MED4: variants seen among roughly 807,000 people sequenced by gnomAD.
The protein encoded by MED4 is mediator of RNA polymerase II transcription subunit 4.
Under a neutral mutation model 35.0 loss-of-function variants are expected in MED4, and 21 were observed. The ratio of observed to expected loss-of-function variants is 0.60; its 90% confidence interval spans 0.43 to 0.86. The LOEUF is 0.86. MED4 is among the 40% of genes least tolerant of loss of function. The probability of loss-of-function intolerance (pLI) is 0.00; values close to 1 mark genes in which losing one functional copy is unlikely to be tolerated. For missense variants in MED4, 300 were observed against 319.4 expected (o/e 0.94, Z 0.46); for synonymous variants, 138 against 114.0 (o/e 1.21, Z -1.34).
rs951074111 is a variant in MED4 at position 48,080,415 on chromosome 13, A to G, written c.509-440T>C. On this transcript the variant is annotated intron_variant, in intron 5 of 6. Coordinates refer to ENST00000258648, the MANE Select transcript of MED4 (RefSeq NM_014166.4). Reference sequence around the variant, plus strand: ...CTGTCTCAAAAAAAAAAAAAAAAAAAAAAGAAAGAAAGAAATATAAAAGTC... The same window carrying G: ...CTGTCTCAAAAAAAAAAAAAAAAAAGAAAGAAAGAAAGAAATATAAAAGTC... Among the ~76,000 whole-genome samples, 329 of 150,424 alleles carry G rather than the reference A, an allele frequency of 2.2e-3. 3 individuals are homozygous for G. The highest frequency in any genetic ancestry group is 7.6e-3 in the African/African-American group (310 of 40,992).
intron 1 of MED4, among the ~76,000 whole-genome samples, chr13:48,093,035 C>T (rs936909296): frequency 7.9e-5 from 12 of 152,118 alleles, no homozygotes; most frequent in Non-Finnish European, 5.9e-5. Flanking sequence ...CAAAGGAAGC[C>T]CCCACACTCA....
intron 6 of MED4, among the ~76,000 whole-genome samples, chr13:48,078,021 A>T (rs1052943808): frequency 1.3e-5 from 2 of 152,192 alleles, no homozygotes; most frequent in Non-Finnish European, 2.9e-5. Flanking sequence ...TGATTTCTTG[A>T]TAGAGGAACT....
rs1419929630 is a variant in MED4, at chr13:48,077,125, T to C, written c.*14A>G. Reference sequence around the variant, plus strand: ...CTACAGTATTCAATTCTGTATATTGTCTTTTAAGGTTTTTCAATCAGACTC... The same window carrying C: ...CTACAGTATTCAATTCTGTATATTGCCTTTTAAGGTTTTTCAATCAGACTC... On this transcript the variant is annotated 3_prime_UTR_variant, in exon 7 of 7. Transcript: ENST00000258648. 5.7e-6 allele frequency: 9 copies of C among 1,587,524 alleles called. No individual in the cohort carries two copies. Among genetic ancestry groups the C allele is most frequent in the Non-Finnish European group, 7.7e-6 (9 of 1,168,418 alleles).
At chr13:48,089,473 T>C (rs954020924) in intron 2 of MED4, among the ~76,000 whole-genome samples, 12 of 152,322 alleles carry the variant, frequency 7.9e-5, no homozygotes, top group African/African-American at 1.4e-4. Flanking sequence ...GGCTCATGCC[T>C]ATAGTCCCAG....
At chr13:48,083,350 C>CA (rs749288589) in intron 4 of MED4, 21 bp downstream of exon 4, 24 of 1,597,748 alleles carry the variant, frequency 1.5e-5, no homozygotes, top group Non-Finnish European at 1.9e-5. Context: ...TCAGGTCATT[C>CA]AGTCTTCCCA....
At position 48,089,030 on chromosome 13, in the gene MED4, A is replaced by C. The variant is rs569425878; in HGVS notation, c.192+1322T>G. Reference sequence around the variant, plus strand: ...ATAATCTGTGTGCCTGGCTCATAGCAAGCATTTAATAAGTGTCTATCAAAT... The same window carrying C: ...ATAATCTGTGTGCCTGGCTCATAGCCAGCATTTAATAAGTGTCTATCAAAT... On this transcript the variant is annotated intron_variant, in intron 2 of 6. Transcript: ENST00000258648. 3.9e-5 allele frequency among the ~76,000 whole-genome samples: 6 copies of C among 152,330 alleles called. No homozygotes were observed. In the East Asian group the frequency reaches 1.2e-3, roughly 29 times the overall value.
intron 1 of MED4, 70 bp from the exon 2 acceptor site, chr13:48,090,488 C>T (rs2137840275): frequency 1.6e-6 from 2 of 1,244,528 alleles, no homozygotes; most frequent in Non-Finnish European, 2.3e-6. Flanking sequence ...CTACTCCCTA[C>T]AGTCCGCTAT....
Position 48,086,320 on chromosome 13 carries a change from G to A in MED4, c.325C>T (p.Gln109Ter), listed in dbSNP as rs200429120. 3 of 1,613,766 alleles carry A rather than the reference G, an allele frequency of 1.9e-6. No homozygotes were observed. The highest frequency in any genetic ancestry group is 8.5e-7 in the Non-Finnish European group (1 of 1,179,884). Residue 109 changes from glutamine to a stop codon, truncating the protein, a stop_gained, in exon 3 of 7, where the codon CAG becomes TAG. Transcript: ENST00000258648. LOFTEE classifies it high-confidence loss of function. ...EVEKRDSDIQ[Q>*]LQKQLKEAEQ... ...GCTTCCTTTAGCTGTTTTTGTAGCTGCTGAATATCACTGTCTCTCTTCTCT... is the reference window on the plus strand; with the variant it reads ...GCTTCCTTTAGCTGTTTTTGTAGCTACTGAATATCACTGTCTCTCTTCTCT...
intron 6 of MED4, among the ~76,000 whole-genome samples, chr13:48,078,123 CT>C (rs1950775706): frequency 6.6e-6 from 1 of 152,120 alleles, no homozygotes; most frequent in African/African-American, 2.4e-5. Flanking sequence ...CATTTAAAGT[CT>C]GTATTTCTGA....
In MED4 at chr13:48,095,010, A is replaced by G. The variant is rs1024815338; in HGVS notation, c.69T>C (p.Gly23=). ...ACAGCAGCCGCTCTCGTGTGCTGTT[A>G]CCACCCGCCACTCCCAAACCGCCTC... ...RLGGGLGVAG[G]NSTRERLLSA... The change falls in exon 1 of 7, where the codon GGT becomes GGC. Residue 23 remains glycine (G), a synonymous_variant. Transcript: ENST00000258648. 6.2e-7 allele frequency: 1 copy of G among 1,601,364 alleles called. No individual in the cohort carries two copies. The highest frequency in any genetic ancestry group is 8.5e-7 in the Non-Finnish European group (1 of 1,179,544).
chr13:48,093,963 T>C (rs1467247413), intron 1 of MED4, among the ~76,000 whole-genome samples: 1 of 152,212 alleles, frequency 6.6e-6, no homozygotes, highest in African/African-American at 2.4e-5. Flanking sequence ...GATATATGAA[T>C]CATTCACCAA....
chr13:48,080,740 T>C (rs988274453), intron 5 of MED4, among the ~76,000 whole-genome samples: 1 of 129,142 alleles, frequency 7.7e-6, no homozygotes, highest in Admixed American at 7.4e-5. Context: ...CAATTTAAAA[T>C]CTTTTTTTTT....
chr13:48,082,570 G>A (rs1950817284), intron 4 of MED4, among the ~76,000 whole-genome samples: 1 of 152,206 alleles, frequency 6.6e-6, no homozygotes, highest in Non-Finnish European at 1.5e-5. Context: ...GCTCATGCCT[G>A]TAATCCCAGC....
intron 1 of MED4, among the ~76,000 whole-genome samples, chr13:48,094,535 G>C (rs1032546377): frequency 4.6e-5 from 7 of 152,030 alleles, no homozygotes; most frequent in Admixed American, 3.3e-4. Flanking sequence ...AACCAAAAAA[G>C]GTGCCTAGTC....
intron 3 of MED4, 103 bp downstream of exon 3, chr13:48,086,179 G>T (rs929407392): frequency 1.6e-5 from 17 of 1,065,044 alleles, no homozygotes; most frequent in Admixed American, 2.2e-5. Flanking sequence ...TTTAGACTTG[G>T]AAAGTCTAGT....
chr13:48,077,294 A>G lies in MED4; in HGVS notation c.658T>C (p.Tyr220His). The stretch of plus-strand genomic sequence containing the variant: ...GACATGTCATTTGACTGCCATGGAT[A>G]CTGTGGAGCAAGGACATCTGGAGAA... ...GRLPDVLAPQ[Y>H]PWQSNDMSMN... Residue 220 changes from tyrosine to histidine, a missense_variant, in exon 7 of 7, where the codon TAT becomes CAT. Tyr to His is a moderately conservative substitution (Grantham distance 83). Coordinates refer to ENST00000258648, the MANE Select transcript of MED4 (RefSeq NM_014166.4). 6.6e-7 allele frequency: 1 copy of G among 1,514,116 alleles called. No individual in the cohort carries two copies. The highest frequency in any genetic ancestry group is 8.8e-7 in the Non-Finnish European group (1 of 1,136,734). The allele number at this position is 1,514,116 out of a possible 1,614,324, so 93.8% of individuals were successfully genotyped here.
Position 48,076,922 on chromosome 13 carries a change from T to C in MED4, c.*217A>G. ...CTTTTTCAACAGTAAATTTTGACTA[T>C]TCCCCTAAATATCTACCTAGTGGCT... On this transcript the variant is annotated 3_prime_UTR_variant, in exon 7 of 7. Transcript: ENST00000258648. 2.3e-6 allele frequency: 1 copy of C among 441,362 alleles called. No homozygotes were observed. The highest frequency in any genetic ancestry group is 4.0e-6 in the Non-Finnish European group (1 of 249,810). The allele number at this position is 441,362 out of a possible 1,614,324, so 27.3% of individuals were successfully genotyped here.
intron 5 of MED4, among the ~76,000 whole-genome samples, chr13:48,081,070 A>G (rs1950805090): frequency 6.6e-6 from 1 of 152,252 alleles, no homozygotes; most frequent in African/African-American, 2.4e-5. Flanking sequence ...GTTATTTTGA[A>G]GTGGAGATAA....
chr13:48,090,445 A>G, intron 1 of MED4, 27 bp from the exon 2 acceptor site: 8 of 1,557,246 alleles, frequency 5.1e-6, no homozygotes, highest in Non-Finnish European at 6.1e-6. Flanking sequence ...AACAACAACA[A>G]AAACCCTTTC....
Sources: gnomAD v4.1 joint callset for allele counts (sites outside exome capture counted in the v4.1 genomes callset) on GRCh38, gnomAD v4.1.1 for gene constraint, MANE v1.5 for transcripts, NCBI Gene and HGNC (gene_info 2026-07-23, HGNC 2026-07-21) for gene names.